Variants in PBLD observed in about 807,000 individuals in gnomAD.
PBLD encodes the protein phenazine biosynthesis-like domain-containing protein.
PBLD carries 26 observed loss-of-function variants against 31.3 expected under a neutral mutation model. That is an observed-to-expected ratio of 0.83 (90% CI 0.61 to 1.15). The LOEUF (loss-of-function observed/expected upper bound fraction) is 1.15, where lower values mean the gene tolerates loss of function less well. PBLD is among the 50% of genes most tolerant of loss of function. The pLI is 0.00. For missense variants in PBLD, 307 were observed against 351.7 expected (o/e 0.87, Z 1.02); for synonymous variants, 114 against 129.0 (o/e 0.88, Z 0.79).
In PBLD at chr10:68,297,022, A is replaced by G. The variant is rs1303790115; in HGVS notation, c.85-37T>C. The G allele has an allele frequency of 2.0e-6, 3 of 1,510,668 alleles. No homozygotes were observed. In the East Asian group the frequency reaches 6.8e-5, roughly 34 times the overall value. 93.6% of individuals were successfully genotyped at this position (1,510,668 alleles called of 1,614,324 possible). A position where few individuals can be genotyped will look rare whatever the true frequency, so the allele number is the denominator to read the frequency against. ...ACAGACGATCATTGAGGTTTCAAAAACACAGATCAGACTTCCTTTGGACAA... is the reference window on the plus strand; with the variant it reads ...ACAGACGATCATTGAGGTTTCAAAAGCACAGATCAGACTTCCTTTGGACAA... On this transcript the variant is annotated intron_variant, in intron 2 of 9. Transcript: ENST00000358769.
In PBLD at chr10:68,309,543, C is replaced by T. The variant is rs745603673; in HGVS notation, c.-59-2640G>A. On this transcript the variant is annotated intron_variant, in intron 1 of 9. Coordinates refer to ENST00000358769, the MANE Select transcript of PBLD (RefSeq NM_022129.4). ...AATAAATATTGGCCAGGTGTGGTGG[C>T]TCACGTCTGTAATCCTAGCACTTTG... Among the ~76,000 whole-genome samples the T allele has an allele frequency of 8.0e-5, 12 of 149,372 alleles. 2 individuals are homozygous for T. Among genetic ancestry groups the T allele is most frequent in the Non-Finnish European group, 1.0e-4 (7 of 67,714 alleles).
chr10:68,315,874 C>A (rs2044731042), intron 1 of PBLD, among the ~76,000 whole-genome samples: 1 of 152,186 alleles, frequency 6.6e-6, no homozygotes, highest in African/African-American at 2.4e-5. Context: ...AAGAAAATCT[C>A]TGTCTAATAA....
intron 1 of PBLD, among the ~76,000 whole-genome samples, chr10:68,329,022 G>C (rs2044970418): frequency 6.6e-6 from 1 of 152,122 alleles, no homozygotes; most frequent in Non-Finnish European, 1.5e-5. Flanking sequence ...GAGATTACAG[G>C]CATGTGCCAC....
intron 1 of PBLD, among the ~76,000 whole-genome samples, chr10:68,311,491 C>G (rs2044666843): frequency 1.3e-5 from 2 of 152,012 alleles, no homozygotes; most frequent in South Asian, 4.1e-4. Context: ...GAGGCTGAGG[C>G]AGGAGAATGG....
Position 68,288,916 on chromosome 10 carries a change from A to G in PBLD, c.512+15T>C, listed in dbSNP as rs199501570. On this transcript the variant is annotated intron_variant, in intron 7 of 9. Transcript: ENST00000358769. ...TCAGCCCTCCCCAAAGTGCTGATGC[A>G]GCCAAAAATCTTACCTGTTGTAAAC... The G allele has an allele frequency of 1.9e-6, 3 of 1,612,314 alleles. No homozygotes were observed. The South Asian group carries it at 3.3e-5, about 18-fold the overall frequency.
At chr10:68,290,097 G>C (rs1173906184) in intron 6 of PBLD, among the ~76,000 whole-genome samples, 2 of 151,990 alleles carry the variant, frequency 1.3e-5, no homozygotes, top group African/African-American at 4.8e-5. Flanking sequence ...GGATTATGAG[G>C]AGACAACCCC....
At chr10:68,326,791 G>A (rs1462693399) in intron 1 of PBLD, among the ~76,000 whole-genome samples, 1 of 152,204 alleles carries the variant, frequency 6.6e-6, no homozygotes, top group East Asian at 1.9e-4. Flanking sequence ...GCTCACGCCT[G>A]TAATCTCAGC....
chr10:68,330,018 GCTTATGCTACACACTGTACTC>G (rs1380439635), intron 1 of PBLD, among the ~76,000 whole-genome samples: 1 of 151,806 alleles, frequency 6.6e-6, no homozygotes, highest in Non-Finnish European at 1.5e-5. Context: ...ACAGTGTGTA[GCTTATGCTACACACTGTACTC>G]CATTTGCTCT....
chr10:68,295,271 C>T (rs7083858), intron 4 of PBLD, among the ~76,000 whole-genome samples: 28,069 of 152,036 alleles, frequency 0.18, 2,851 homozygotes, highest in South Asian at 0.25. Flanking sequence ...GGTGGGCAGA[C>T]CACTTGAGCT....
intron 2 of PBLD, among the ~76,000 whole-genome samples, chr10:68,304,659 T>C (rs975517173): frequency 6.6e-6 from 1 of 152,236 alleles, no homozygotes; most frequent in African/African-American, 2.4e-5. Context: ...AGGAGTAAGT[T>C]GGACAATAAT....
chr10:68,298,989 C>A (rs1302765961), intron 2 of PBLD, among the ~76,000 whole-genome samples: 2 of 151,652 alleles, frequency 1.3e-5, no homozygotes, highest in Admixed American at 6.6e-5. Flanking sequence ...CGCCTGTAAT[C>A]CCAGCTACTC....
chr10:68,285,055 T>C, intron 9 of PBLD: 3 of 1,250,880 alleles, frequency 2.4e-6, no homozygotes, highest in South Asian at 5.9e-5. Context: ...TCTCAACCCA[T>C]CACATTATAA....
chr10:68,285,275 A>T, intron 9 of PBLD, 73 bp downstream of exon 9: 1 of 1,612,188 alleles, frequency 6.2e-7, no homozygotes, highest in South Asian at 1.1e-5. Flanking sequence ...TTTCAAGGGG[A>T]TAGTACATAT....
intron 8 of PBLD, 124 bp from the exon 9 acceptor site, chr10:68,285,534 T>C: frequency 7.4e-7 from 1 of 1,348,518 alleles, no homozygotes; most frequent in Non-Finnish European, 9.8e-7. Flanking sequence ...TAAATCATTA[T>C]GTTGGCCAGG....
chr10:68,297,878 G>T (rs756292819), intron 2 of PBLD, among the ~76,000 whole-genome samples: 1 of 150,874 alleles, frequency 6.6e-6, no homozygotes, highest in Non-Finnish European at 1.5e-5. Context: ...AGGCTGAGGC[G>T]GGAGGACAGC....
In PBLD at chr10:68,304,006, A is replaced by T. The variant is rs571927703; in HGVS notation, c.84+2755T>A. ...ACTAGACTCTGAGCCCTTCAAGGGC[A>T]GGTGAACTTGTTAACCTTTGTACCT... On this transcript the variant is annotated intron_variant, in intron 2 of 9. Transcript: ENST00000358769. Among the ~76,000 whole-genome samples, 12 of 152,338 alleles carry T rather than the reference A, an allele frequency of 7.9e-5. No homozygotes were observed. In the South Asian group the frequency reaches 2.1e-3, roughly 26 times the overall value.
intron 1 of PBLD, among the ~76,000 whole-genome samples, chr10:68,326,374 T>C (rs1393590441): frequency 1.3e-5 from 2 of 152,144 alleles, no homozygotes; most frequent in Admixed American, 1.3e-4. Flanking sequence ...TGGAAACATA[T>C]ACTGACCTAC....
At chr10:68,297,988 G>A (rs1193132165) in intron 2 of PBLD, among the ~76,000 whole-genome samples, 2 of 151,184 alleles carry the variant, frequency 1.3e-5, no homozygotes, top group African/African-American at 4.9e-5. Flanking sequence ...GGCTTTAGCT[G>A]GGCATGGTGG....
rs187465444 is a variant in PBLD, at chr10:68,312,381, C to A, written c.-59-5478G>T. 5.6e-3 allele frequency among the ~76,000 whole-genome samples: 849 copies of A among 152,230 alleles called. 10 individuals are homozygous for A. Among genetic ancestry groups the A allele is most frequent in the African/African-American group, 0.02 (812 of 41,536 alleles). On this transcript the variant is annotated intron_variant, in intron 1 of 9. Transcript: ENST00000358769. ...GTTTTTTTTTATAATAGTCATTCAA[C>A]AGGAGTTAAGTGATATCTCATTGTG... is the stretch of plus-strand genomic sequence containing the variant.
Sources: allele counts gnomAD v4.1 joint callset (sites outside exome capture counted in the v4.1 genomes callset), GRCh38; gene constraint gnomAD v4.1.1; transcripts MANE v1.5; gene names NCBI Gene and HGNC (gene_info 2026-07-23, HGNC 2026-07-21).